Variants in SCFD2 observed in about 807,000 individuals in gnomAD.
SCFD2 encodes sec1 family domain containing 2.
Under a neutral mutation model 58.9 loss-of-function variants are expected in SCFD2, and 54 were observed. The observed-to-expected ratio is 0.92, with a 90% CI of 0.74 to 1.15. The LOEUF is 1.15. SCFD2 is among the 50% of genes most tolerant of loss of function. SCFD2 has a pLI of 0.00. For missense variants in SCFD2, 805 were observed against 836.6 expected (o/e 0.96, Z 0.47); for synonymous variants, 321 against 335.9 (o/e 0.96, Z 0.49).
chr4:53,261,410 G>A (rs1441265242), intron 4 of SCFD2, among the ~76,000 whole-genome samples: 1 of 152,062 alleles, frequency 6.6e-6, no homozygotes, highest in East Asian at 1.9e-4. Context: ...CTGTATCCTA[G>A]AGGTTTTGAT....
rs186228404 is a variant in SCFD2 at position 52,998,400 on chromosome 4, C to A, written c.1562-77530G>T. Among the ~76,000 whole-genome samples the A allele has an allele frequency of 8.5e-5, 13 of 152,288 alleles. No individual in the cohort carries two copies. In the East Asian group the frequency reaches 2.5e-3, roughly 29 times the overall value. On this transcript the variant is annotated intron_variant, in intron 5 of 8. Transcript: ENST00000401642. Reference sequence around the variant, plus strand: ...TCAAAGAAGAATGAGTGCTTTGCATCCTGAGAAACTTTTAGGTACCATGGC... The same window carrying A: ...TCAAAGAAGAATGAGTGCTTTGCATACTGAGAAACTTTTAGGTACCATGGC...
intron 3 of SCFD2, among the ~76,000 whole-genome samples, chr4:53,283,087 G>A (rs912058576): frequency 7.9e-5 from 12 of 152,118 alleles, no homozygotes; most frequent in East Asian, 1.9e-4. Context: ...TAATTTTTAC[G>A]TATGTATATA....
At chr4:53,156,257 G>A (rs1726678752) in intron 4 of SCFD2, among the ~76,000 whole-genome samples, 1 of 152,026 alleles carries the variant, frequency 6.6e-6, no homozygotes, top group African/African-American at 2.4e-5. Context: ...AAATTAGCCA[G>A]GTATGGTTGC....
At chr4:53,191,463 G>A (rs1239271379) in intron 4 of SCFD2, among the ~76,000 whole-genome samples, 3 of 152,040 alleles carry the variant, frequency 2.0e-5, no homozygotes, top group African/African-American at 7.2e-5. Context: ...CTGGAGTGCA[G>A]TGGCACGATC....
intron 5 of SCFD2, among the ~76,000 whole-genome samples, chr4:53,015,828 T>C (rs183756930): frequency 2.9e-4 from 44 of 152,326 alleles, no homozygotes; most frequent in Non-Finnish European, 5.3e-4. Flanking sequence ...GATTCAAGAA[T>C]GAGTGGGCTT....
chr4:53,345,669 T>G (rs1734035012), intron 2 of SCFD2, among the ~76,000 whole-genome samples: 1 of 151,914 alleles, frequency 6.6e-6, no homozygotes, highest in Admixed American at 6.5e-5. Flanking sequence ...GTGGCACTAT[T>G]TACAATAGCA....
intron 5 of SCFD2, among the ~76,000 whole-genome samples, chr4:52,930,405 C>A (rs935274087): frequency 6.6e-6 from 1 of 151,984 alleles, no homozygotes; most frequent in African/African-American, 2.4e-5. Context: ...CTAGGAGAAA[C>A]ACTAGGAGAA....
At chr4:53,129,843 C>T (rs1725736976) in intron 5 of SCFD2, among the ~76,000 whole-genome samples, 1 of 152,204 alleles carries the variant, frequency 6.6e-6, no homozygotes, top group African/African-American at 2.4e-5. Context: ...CCTTAATACA[C>T]CAACTGCAAA....
At chr4:52,882,788 C>CCTT (rs1294471270) in intron 8 of SCFD2, among the ~76,000 whole-genome samples, 1 of 152,140 alleles carries the variant, frequency 6.6e-6, no homozygotes, top group African/African-American at 2.4e-5. Context: ...AGTCAATAGT[C>CCTT]CTTAATAAAC....
intron 5 of SCFD2, among the ~76,000 whole-genome samples, chr4:52,991,985 C>T (rs1413687083): frequency 6.6e-6 from 1 of 151,918 alleles, no homozygotes; most frequent in African/African-American, 2.4e-5. Flanking sequence ...ATGTTTTTGC[C>T]TCTCCCTCTC....
chr4:53,265,508 G>A (rs1490673481), intron 4 of SCFD2: 2 of 152,142 alleles, frequency 1.3e-5, no homozygotes. Flanking sequence ...TTGTGCAGGG[G>A]CCATGCTAAT....
At chr4:53,065,779 C>T (rs1169736625) in intron 5 of SCFD2, among the ~76,000 whole-genome samples, 2 of 152,098 alleles carry the variant, frequency 1.3e-5, no homozygotes, top group Non-Finnish European at 1.5e-5. Flanking sequence ...CTTCCTGATG[C>T]CATTCCACTA....
chr4:53,227,735 G>A (rs1283230373), intron 4 of SCFD2, among the ~76,000 whole-genome samples: 6 of 152,058 alleles, frequency 3.9e-5, no homozygotes, highest in East Asian at 1.9e-4. Context: ...TGCTCCAAAC[G>A]AAATTCCAGG....
chr4:52,897,940 C>A lies in SCFD2; in HGVS notation c.1842+9517G>T, dbSNP rs191593223. ...TCTTCTAGATTTTGTAGTTTATTTG[C>A]GCAGAGGTGTTTATAGTATTCTCTG... On this transcript the variant is annotated intron_variant, in intron 7 of 8. Transcript: ENST00000401642. Among the ~76,000 whole-genome samples the A allele has an allele frequency of 5.9e-5, 9 of 152,250 alleles. 1 individual carries two copies. The highest frequency in any genetic ancestry group is 2.2e-4 in the African/African-American group (9 of 41,548).
chr4:53,076,397 T>A (rs1343150595), intron 5 of SCFD2, among the ~76,000 whole-genome samples: 1 of 152,112 alleles, frequency 6.6e-6, no homozygotes, highest in African/African-American at 2.4e-5. Context: ...AGCGGACCCA[T>A]CTGCTATGGA....
Position 52,981,560 on chromosome 4 carries a change from T to C in SCFD2, c.1562-60690A>G, listed in dbSNP as rs184342574. On this transcript the variant is annotated intron_variant, in intron 5 of 8. Coordinates refer to ENST00000401642, the MANE Select transcript of SCFD2 (RefSeq NM_152540.4). ...ATTCAAGAGAACTGCTATTTTTTTT[T>C]CTAAGAAAACAGGAAGGTCATTGCT... Among the ~76,000 whole-genome samples the C allele has an allele frequency of 4.3e-4, 65 of 152,242 alleles. 1 individual carries two copies. In the East Asian group the frequency reaches 8.7e-3, roughly 20 times the overall value.
chr4:53,351,781 C>G (rs1483562806), intron 2 of SCFD2, among the ~76,000 whole-genome samples: 1 of 152,060 alleles, frequency 6.6e-6, no homozygotes, highest in Admixed American at 6.6e-5. Flanking sequence ...TCTTAAATAT[C>G]TACAAAAAGG....
chr4:52,896,658 C>T (rs924268756), intron 7 of SCFD2, among the ~76,000 whole-genome samples: 1 of 152,072 alleles, frequency 6.6e-6, no homozygotes, highest in African/African-American at 2.4e-5. Flanking sequence ...TTTTTTGGTT[C>T]CATATGAACT....
chr4:52,895,935 T>C (rs1013998053), intron 7 of SCFD2, among the ~76,000 whole-genome samples: 2 of 151,968 alleles, frequency 1.3e-5, no homozygotes, highest in Non-Finnish European at 2.9e-5. Flanking sequence ...TTTTTTCATG[T>C]GTTTTTTGGC....
Sources: allele counts gnomAD v4.1 joint callset (sites outside exome capture counted in the v4.1 genomes callset), GRCh38; gene constraint gnomAD v4.1.1; transcripts MANE v1.5; gene names NCBI Gene and HGNC (gene_info 2026-07-23, HGNC 2026-07-21).